GRAMD1C: variants seen among roughly 807,000 people sequenced by gnomAD.
GRAMD1C encodes the protein GRAM domain containing 1C, also known as protein Aster-C.
In GRAMD1C, 89 loss-of-function variants were observed where a neutral mutation model predicts 97.8. The observed-to-expected ratio is 0.91, with a 90% CI of 0.77 to 1.09. The LOEUF (loss-of-function observed/expected upper bound fraction) is 1.09. Ranked by LOEUF, GRAMD1C falls within the 50% of genes least tolerant of loss-of-function variation. The pLI, the probability that GRAMD1C is intolerant of heterozygous loss-of-function variation, is 0.00. For synonymous variants in GRAMD1C, 256 were observed against 267.0 expected (o/e 0.96, Z 0.40); for missense variants, 740 against 766.4 (o/e 0.97, Z 0.41).
chr3:113,887,088 T>TTC (rs1935527619), intron 6 of GRAMD1C, among the ~76,000 whole-genome samples: 1 of 98,668 alleles, frequency 1.0e-5, no homozygotes. Context: ...CCTTTTTGTT[T>TTC]TTTTTTTGTT....
At chr3:113,832,754 A>C (rs2108059908) in intron 1 of GRAMD1C, among the ~76,000 whole-genome samples, 1 of 152,284 alleles carries the variant, frequency 6.6e-6, no homozygotes, top group South Asian at 2.1e-4. Context: ...GATTAGAAAA[A>C]AATAAAAACC....
intron 3 of GRAMD1C, among the ~76,000 whole-genome samples, chr3:113,873,293 A>G (rs898464120): frequency 2.0e-5 from 3 of 151,926 alleles, no homozygotes; most frequent in Non-Finnish European, 4.4e-5. Flanking sequence ...AACAAAAAAC[A>G]CTCAAAAAAG....
At chr3:113,864,379 G>A (rs1358856206) in intron 2 of GRAMD1C, among the ~76,000 whole-genome samples, 1 of 152,114 alleles carries the variant, frequency 6.6e-6, no homozygotes, top group Admixed American at 6.6e-5. Context: ...CTCCCAAATT[G>A]CTGGGATTAC....
In GRAMD1C at chr3:113,897,616, G is replaced by C. The variant is rs1024599440; in HGVS notation, c.541-3415G>C. On this transcript the variant is annotated intron_variant, in intron 6 of 17. Coordinates refer to ENST00000358160, the MANE Select transcript of GRAMD1C (RefSeq NM_017577.5). ...AGCAAAACTGAGAGATTGAAGCAGT[G>C]ATTATTTTTACATAGTTGTCATTAA... 6.1e-6 allele frequency: 6 copies of C among 983,650 alleles called. No homozygotes were observed. The South Asian group carries it at 2.8e-4, about 46-fold the overall frequency. 60.9% of individuals were successfully genotyped at this position (983,650 alleles called of 1,614,324 possible).
chr3:113,909,029 G>A lies in GRAMD1C; in HGVS notation c.861G>A (p.Lys287=). The change falls in exon 9 of 18, where the codon AAG becomes AAA. Residue 287 remains lysine, a synonymous_variant. Coordinates refer to ENST00000358160, the MANE Select transcript of GRAMD1C (RefSeq NM_017577.5). ...KKSLLPTLEK[K]LTRVPSKSLD... ...GTCTCTTACCAACTTTGGAAAAGAA[G>A]TTAACTAGAGTGCCATCAAAGTCAC... The A allele has an allele frequency of 6.4e-7, 1 of 1,567,748 alleles. No homozygotes were observed. Among genetic ancestry groups the A allele is most frequent in the Non-Finnish European group, 8.7e-7 (1 of 1,154,772 alleles).
chr3:113,847,848 CA>C (rs10713216), intron 2 of GRAMD1C, among the ~76,000 whole-genome samples: 15,488 of 152,168 alleles, frequency 0.1, 967 homozygotes, highest in African/African-American at 0.17. Context: ...AAACAAAACA[CA>C]AGGAAGACAA....
chr3:113,837,685 G>A (rs574550795), upstream of GRAMD1C, among the ~76,000 whole-genome samples: 3 of 152,078 alleles, frequency 2.0e-5, no homozygotes, highest in South Asian at 4.1e-4. Context: ...CCAGGAGTTC[G>A]AGACCAGTCT....
intron 2 of GRAMD1C, among the ~76,000 whole-genome samples, chr3:113,852,495 A>G (rs919882061): frequency 1.3e-5 from 2 of 152,194 alleles, no homozygotes; most frequent in African/African-American, 4.8e-5. Context: ...CAAGAAGGGG[A>G]CGATTTAAAT....
At chr3:113,893,315 G>T (rs1459684350) in intron 6 of GRAMD1C, among the ~76,000 whole-genome samples, 1 of 151,372 alleles carries the variant, frequency 6.6e-6, no homozygotes, top group South Asian at 2.1e-4. Context: ...ACATAATCAA[G>T]ACCCTTCCCA....
In GRAMD1C at chr3:113,910,774, A is replaced by G. The variant is rs558222731; in HGVS notation, c.952+1654A>G. ...GCTGAAGAATGAGGTGGACTTACCT[A>G]TCAATCACAGGCAATGTTCAATCTC... On this transcript the variant is annotated intron_variant, in intron 9 of 17. Coordinates refer to ENST00000358160, the MANE Select transcript of GRAMD1C (RefSeq NM_017577.5). Among the ~76,000 whole-genome samples, 3 of 152,160 alleles carry G rather than the reference A, an allele frequency of 2.0e-5. No homozygotes were observed. The South Asian group carries it at 6.2e-4, about 32-fold the overall frequency.
rs1936381504 is a variant in GRAMD1C, at chr3:113,906,598, T to C, written c.789+2326T>C. ...GAGTCAAAAAGTTTTAAAAAAAAGT[T>C]CATAAAATAAAAATGTTACAGTAAG... On this transcript the variant is annotated intron_variant, in intron 8 of 17. Coordinates refer to ENST00000358160, the MANE Select transcript of GRAMD1C (RefSeq NM_017577.5). Among the ~76,000 whole-genome samples, 3 of 152,294 alleles carry C rather than the reference T, an allele frequency of 2.0e-5. No homozygotes were observed. In the South Asian group the frequency reaches 6.2e-4, roughly 32 times the overall value.
chr3:113,909,302 C>G (rs1469844001), intron 9 of GRAMD1C, among the ~76,000 whole-genome samples, 182 bp downstream of exon 9: 1 of 152,198 alleles, frequency 6.6e-6, no homozygotes, highest in East Asian at 1.9e-4. Context: ...TCTAACGTAT[C>G]CCACTGTCTT....
At chr3:113,834,100 G>C (rs1559769723), upstream of GRAMD1C, among the ~76,000 whole-genome samples, 1 of 151,924 alleles carries the variant, frequency 6.6e-6, no homozygotes, top group Non-Finnish European at 1.5e-5. Context: ...AATTGCAGAA[G>C]TTGGTACTGC....
intron 1 of GRAMD1C, among the ~76,000 whole-genome samples, chr3:113,843,110 T>C (rs1020151365): frequency 6.7e-6 from 1 of 150,188 alleles, no homozygotes. Flanking sequence ...GGTTTTGCTT[T>C]GCCGGCCAGC....
At chr3:113,900,468 T>C (rs9831591) in intron 6 of GRAMD1C, among the ~76,000 whole-genome samples, 36,693 of 148,210 alleles carry the variant, frequency 0.25, 4,682 homozygotes, top group South Asian at 0.37. Context: ...TCACCCAGGC[T>C]GGAGTGCAGT....
intron 9 of GRAMD1C, among the ~76,000 whole-genome samples, chr3:113,914,566 G>A (rs1238659807): frequency 6.6e-6 from 1 of 152,172 alleles, no homozygotes; most frequent in East Asian, 1.9e-4. Context: ...ATTCTGTATC[G>A]ATGGGGCATC....
chr3:113,872,724 T>A (rs973965223), intron 3 of GRAMD1C, among the ~76,000 whole-genome samples: 8 of 151,204 alleles, frequency 5.3e-5, no homozygotes, highest in Non-Finnish European at 8.8e-5. Context: ...ATCAATTGTA[T>A]TGAAGTATAA....
intron 6 of GRAMD1C, among the ~76,000 whole-genome samples, chr3:113,897,240 A>T (rs1295093491): frequency 6.6e-6 from 1 of 152,210 alleles, no homozygotes; most frequent in African/African-American, 2.4e-5. Context: ...CCAGAATTGC[A>T]TAGAAATTAC....
intron 9 of GRAMD1C, among the ~76,000 whole-genome samples, chr3:113,911,729 T>TTCCTTCCTTCCTTCCTTCCTTCCTTCC: frequency 1.1e-5 from 1 of 93,792 alleles, no homozygotes; most frequent in Non-Finnish European, 2.6e-5. Context: ...CCTTCCTTCC[T>TTCCTTCCTTCCTTCCTTCCTTCCTTCC]TTTCTTTCTT....
Sources: allele counts gnomAD v4.1 joint callset (sites outside exome capture counted in the v4.1 genomes callset), GRCh38; gene constraint gnomAD v4.1.1; transcripts MANE v1.5; gene names NCBI Gene and HGNC (gene_info 2026-07-23, HGNC 2026-07-21).